RCOR3: variants seen among roughly 807,000 people sequenced by gnomAD.
RCOR3 encodes the protein REST corepressor 3.
RCOR3 carries 13 observed loss-of-function variants against 64.1 expected under a neutral mutation model. The ratio of observed to expected loss-of-function variants is 0.20; its 90% CI spans 0.13 to 0.32. The LOEUF (loss-of-function observed/expected upper bound fraction) is 0.32, where lower values mean the gene tolerates loss of function less well. Among genes scored for constraint, RCOR3 ranks in the 10% least tolerant of loss-of-function variants. RCOR3 has a pLI of 1.00. For synonymous variants in RCOR3, 215 were observed against 239.0 expected (o/e 0.90, Z 0.93); for missense variants, 489 against 701.2 (o/e 0.70, Z 3.42).
chr1:211,268,484 A>G (rs2102452908), intron 2 of RCOR3, among the ~76,000 whole-genome samples: 1 of 143,122 alleles, frequency 7.0e-6, no homozygotes, highest in East Asian at 2.1e-4. Flanking sequence ...GGTTCAAGTG[A>G]TTATCCTGCC....
intron 9 of RCOR3, among the ~76,000 whole-genome samples, chr1:211,296,412 C>G (rs528509303): frequency 6.6e-6 from 1 of 152,120 alleles, no homozygotes; most frequent in African/African-American, 2.4e-5. Flanking sequence ...TTTAACATTT[C>G]CTTATTATGC....
At chr1:211,268,453 C>T (rs1695600812) in intron 2 of RCOR3, among the ~76,000 whole-genome samples, 1 of 135,914 alleles carries the variant, frequency 7.4e-6, no homozygotes, top group South Asian at 2.5e-4. Context: ...GATCTCGGCT[C>T]ACCGCAACCT....
At chr1:211,277,615 A>G (rs990470387) in intron 5 of RCOR3, among the ~76,000 whole-genome samples, 2 of 152,212 alleles carry the variant, frequency 1.3e-5, no homozygotes, top group Non-Finnish European at 2.9e-5. Flanking sequence ...CAGAATAGGC[A>G]AATCCATAGA....
At chr1:211,288,223 A>T (rs1244393011) in intron 7 of RCOR3, among the ~76,000 whole-genome samples, 1 of 151,854 alleles carries the variant, frequency 6.6e-6, no homozygotes, top group Admixed American at 6.6e-5. Context: ...AAAAAAAAAA[A>T]ATTGGATTAT....
At chr1:211,260,000 C>T in intron 1 of RCOR3, 108 bp from the exon 2 acceptor site, 3 of 1,411,762 alleles carry the variant, frequency 2.1e-6, no homozygotes, top group Non-Finnish European at 2.8e-6. Flanking sequence ...CATCCACCCG[C>T]CGCTTCTTTC....
Position 211,313,701 on chromosome 1 carries a change from C to T in RCOR3, c.1595C>T (p.Thr532Met), listed in dbSNP as rs144099068. The T allele has an allele frequency of 1.2e-5, 19 of 1,614,120 alleles. No individual in the cohort carries two copies. Among genetic ancestry groups the T allele is most frequent in the African/African-American group, 8.0e-5 (6 of 74,934 alleles). Residue 532 changes from threonine (T) to methionine (M), a missense_variant, in exon 12 of 12, where the codon ACG becomes ATG. Physicochemically the swap from Thr to Met is moderately conservative, Grantham distance 81 (BLOSUM62 -1). Coordinates refer to ENST00000419091, the MANE Select transcript of RCOR3 (RefSeq NM_001136223.3). The surrounding 1 kb of genome is among the most constrained non-coding windows in gnomAD (Gnocchi z 4.7). ...PRLNPRPVLS[T>M]VGGQQPPSLI... ...CTAAACCCAAGACCGGTGTTGTCCA[C>T]GGTTGGTGGTCAACAGCCACCATCA...
At chr1:211,273,976 A>G (rs1696605556) in intron 3 of RCOR3, among the ~76,000 whole-genome samples, 1 of 152,174 alleles carries the variant, frequency 6.6e-6, no homozygotes, top group African/African-American at 2.4e-5. Context: ...TGAATTTAGT[A>G]AGTATAATGT....
Position 211,274,259 on chromosome 1 carries a change from A to G in RCOR3, c.351A>G (p.Glu117=), listed in dbSNP as rs1271954689. 6.3e-7 allele frequency: 1 copy of G among 1,597,264 alleles called. No homozygotes were observed. Among genetic ancestry groups the G allele is most frequent in the Non-Finnish European group, 8.6e-7 (1 of 1,165,374 alleles). ...AGGAAAAGCATGGCTACAATGTGGA[A>G]CAGGTATGTAGAGAAACACTTCAGT... ...IAKEKHGYNV[E]QALGMLFWHK... The change falls in exon 4 of 12, where the codon GAA becomes GAG. Residue 117 remains glutamate (E), a synonymous_variant. Transcript: ENST00000419091.
chr1:211,313,368 A>G lies in RCOR3; in HGVS notation c.1318-56A>G. 6.4e-7 allele frequency: 1 copy of G among 1,554,654 alleles called. No homozygotes were observed. The highest frequency in any genetic ancestry group is 1.2e-5 in the South Asian group (1 of 80,912). On this transcript the variant is annotated intron_variant, in intron 11 of 11. Transcript: ENST00000419091. The surrounding 1 kb of genome is among the most constrained non-coding windows in gnomAD (Gnocchi z 4.7). ...CCTGTGACAGCCCAAACTATATTGTATTAAGTTCATTAGGACTTACATCTC... is the reference window on the plus strand; with the variant it reads ...CCTGTGACAGCCCAAACTATATTGTGTTAAGTTCATTAGGACTTACATCTC...
chr1:211,259,432 CCT>C lies in RCOR3; in HGVS notation c.-127_-126del. On this transcript the variant is annotated 5_prime_UTR_variant, in exon 1 of 12. Transcript: ENST00000419091. ...TATGGCGGCTCCATATTAACAGCCT[CCT>C]CCTCCTCCGCCGCCGCCGCCGTCTC... is the stretch of plus-strand genomic sequence containing the variant. The C allele has an allele frequency of 2.2e-6, 2 of 920,940 alleles. No individual in the cohort carries two copies. Among genetic ancestry groups the C allele is most frequent in the Non-Finnish European group, 3.2e-6 (2 of 625,064 alleles). The allele number at this position is 920,940 out of a possible 1,614,324, so 57.0% of individuals were successfully genotyped here. A position where few individuals can be genotyped will look rare whatever the true frequency, so the allele number is the denominator to read the frequency against.
chr1:211,263,850 T>G (rs1694769914), intron 2 of RCOR3, among the ~76,000 whole-genome samples: 1 of 152,154 alleles, frequency 6.6e-6, no homozygotes, highest in South Asian at 2.1e-4. Flanking sequence ...AGGCAGAGTC[T>G]TGCTCTGTCC....
At position 211,313,467 on chromosome 1, in the gene RCOR3, C is replaced by G. The variant is rs1311380640; in HGVS notation, c.1361C>G (p.Pro454Arg). The change falls in exon 12 of 12, where the codon CCT (proline) becomes CGT (arginine). Residue 454 changes from proline (P) to arginine (R), a missense_variant. By Grantham distance (103) the Pro-to-Arg change is moderately radical (BLOSUM62 -2). Coordinates refer to ENST00000419091, the MANE Select transcript of RCOR3 (RefSeq NM_001136223.3). The surrounding 1 kb of genome is among the most constrained non-coding windows in gnomAD (Gnocchi z 4.7). Reference protein sequence around the residue: ...QAPRTLGPSPPAPSSTPTPTA... With the variant: ...QAPRTLGPSPRAPSSTPTPTA... ...CCTCGGACACTGGGTCCATCACCTC[C>G]TGCCCCATCATCCACTCCAACACCA... 4 of 1,614,022 alleles carry G rather than the reference C, an allele frequency of 2.5e-6. No homozygotes were observed. In the African/African-American group the frequency reaches 4.0e-5, roughly 16 times the overall value.
At chr1:211,276,011 T>C (rs139724188) in intron 4 of RCOR3, among the ~76,000 whole-genome samples, 73 of 152,318 alleles carry the variant, frequency 4.8e-4, no homozygotes, top group African/African-American at 1.7e-3. Context: ...CTCAGCTCAC[T>C]GTTTTTCCTA....
chr1:211,303,440 T>A (rs1700577690), intron 9 of RCOR3: 1 of 152,260 alleles, frequency 6.6e-6, no homozygotes, highest in Non-Finnish European at 1.5e-5. Context: ...TCTTGGCAGT[T>A]CCTTCTGCAA....
At chr1:211,260,273 C>T (rs766375701) in intron 2 of RCOR3, 109 bp downstream of exon 2, 11 of 959,622 alleles carry the variant, frequency 1.1e-5, no homozygotes, top group Non-Finnish European at 1.6e-5. Flanking sequence ...CGGGGTTGGG[C>T]TGGGCAGGCA....
chr1:211,313,947 A>C lies in RCOR3; in HGVS notation c.*179A>C, dbSNP rs1701731804. 8 of 618,900 alleles carry C rather than the reference A, an allele frequency of 1.3e-5. No homozygotes were observed. The highest frequency in any genetic ancestry group is 2.2e-5 in the Non-Finnish European group (8 of 359,018). The allele number at this position is 618,900 out of a possible 1,614,324, so 38.3% of individuals were successfully genotyped here. A position where few individuals can be genotyped will look rare whatever the true frequency, so the allele number is the denominator to read the frequency against. On this transcript the variant is annotated 3_prime_UTR_variant, in exon 12 of 12. Transcript: ENST00000419091. This position sits in a 1 kb window ranked among gnomAD's most constrained non-coding sequence, Gnocchi z 4.7. ...AAATTTTTCAGTTCACTAGACTAAA[A>C]TGTTTTACAACAAAAAGCCTCCAGT...
intron 2 of RCOR3, among the ~76,000 whole-genome samples, chr1:211,262,962 G>A (rs1488902945): frequency 6.7e-6 from 1 of 150,128 alleles, no homozygotes; most frequent in Non-Finnish European, 1.5e-5. Flanking sequence ...ATGCTGGTGT[G>A]CTGCACCCAT....
At chr1:211,305,038 CT>C (rs1392969664) in intron 10 of RCOR3, among the ~76,000 whole-genome samples, 2 of 151,988 alleles carry the variant, frequency 1.3e-5, no homozygotes, top group African/African-American at 4.8e-5. Context: ...ATAAGCATAC[CT>C]TTTAAAATGT....
In RCOR3 at chr1:211,315,150, G is replaced by C. The variant is rs1457446022; in HGVS notation, c.*1382G>C. 2.0e-5 allele frequency: 3 copies of C among 152,162 alleles called. No individual in the cohort carries two copies. The highest frequency in any genetic ancestry group is 7.2e-5 in the African/African-American group (3 of 41,436). 9.4% of individuals were successfully genotyped at this position (152,162 alleles called of 1,614,324 possible). A position where few individuals can be genotyped will look rare whatever the true frequency, so the allele number is the denominator to read the frequency against. On this transcript the variant is annotated 3_prime_UTR_variant, in exon 12 of 12. Transcript: ENST00000419091. Reference sequence around the variant, plus strand: ...ATATTGGAATCATTATTTGTGCAAAGGGACAGACAGATCACTTAGATTGCT... The same window carrying C: ...ATATTGGAATCATTATTTGTGCAAACGGACAGACAGATCACTTAGATTGCT...
Sources: allele counts gnomAD v4.1 joint callset (sites outside exome capture counted in the v4.1 genomes callset), GRCh38; gene constraint gnomAD v4.1.1; non-coding constraint Gnocchi (gnomAD v3.1); transcripts MANE v1.5; gene names NCBI Gene and HGNC (gene_info 2026-07-23, HGNC 2026-07-21).